Variants in RORA observed in about 807,000 individuals in gnomAD.
The protein encoded by RORA is nuclear receptor ROR-alpha.
A neutral mutation model predicts 69.5 loss-of-function variants in RORA; 7 were observed. The observed-to-expected ratio is 0.10, with a 90% CI of 0.06 to 0.19. The LOEUF is 0.19. RORA is among the 10% of genes least tolerant of loss of function. The probability of loss-of-function intolerance (pLI) is 1.00; values close to 1 mark genes in which losing one functional copy is unlikely to be tolerated. For synonymous variants in RORA, 261 were observed against 240.8 expected, an observed-to-expected ratio of 1.08 and a Z score of -0.78; for missense variants, 457 against 663.0, an observed-to-expected ratio of 0.69 and a Z score of 3.41.
At chr15:60,952,540 C>G (rs1460748909) in intron 1 of RORA, among the ~76,000 whole-genome samples, 4 of 151,664 alleles carry the variant, frequency 2.6e-5, no homozygotes, top group African/African-American at 9.7e-5. Context: ...ATCTAGAAAA[C>G]CCCATTGTCT....
intron 1 of RORA, among the ~76,000 whole-genome samples, chr15:60,835,223 G>T (rs1232583890): frequency 6.6e-6 from 1 of 152,186 alleles, no homozygotes; most frequent in African/African-American, 2.4e-5. Context: ...AAATTGCTCT[G>T]ATCAAATCAA....
At chr15:60,921,050 G>A (rs954427970) in intron 1 of RORA, among the ~76,000 whole-genome samples, 14 of 152,152 alleles carry the variant, frequency 9.2e-5, no homozygotes, top group Admixed American at 9.2e-4. Flanking sequence ...TTATTCTCCA[G>A]TCTTATAGAA....
chr15:60,947,400 C>T (rs953698845), intron 1 of RORA, among the ~76,000 whole-genome samples: 1 of 151,832 alleles, frequency 6.6e-6, no homozygotes, highest in Non-Finnish European at 1.5e-5. Flanking sequence ...ACCCCCAACC[C>T]GGTGCTCTCT....
At chr15:60,593,085 T>C (rs1262467637) in intron 2 of RORA, 8 of 359,906 alleles carry the variant, frequency 2.2e-5, no homozygotes, top group Non-Finnish European at 2.8e-5. Flanking sequence ...ACTGGGACCG[T>C]CCGGGGAGTG....
At chr15:61,048,429 C>G (rs1032721808) in intron 1 of RORA, among the ~76,000 whole-genome samples, 1 of 152,210 alleles carries the variant, frequency 6.6e-6, no homozygotes, top group African/African-American at 2.4e-5. Context: ...CACAGGCACA[C>G]TCCAGATGCA....
intron 1 of RORA, among the ~76,000 whole-genome samples, chr15:61,171,116 A>T (rs1415880497): frequency 6.6e-6 from 1 of 152,190 alleles, no homozygotes; most frequent in African/African-American, 2.4e-5. Flanking sequence ...ACTTGGCGAC[A>T]TGCTGGCTCA....
intron 1 of RORA, among the ~76,000 whole-genome samples, chr15:60,718,751 G>C (rs1445079958): frequency 6.6e-6 from 1 of 152,144 alleles, no homozygotes; most frequent in Admixed American, 6.5e-5. Flanking sequence ...AAGCAGATGA[G>C]GAAGTCATTA....
intron 1 of RORA, among the ~76,000 whole-genome samples, chr15:60,985,610 G>C (rs1216382911): frequency 1.1e-5 from 1 of 92,368 alleles, no homozygotes; most frequent in Admixed American, 1.3e-4. Flanking sequence ...TTTTGAGATG[G>C]GGTCTCACTC....
intron 1 of RORA, among the ~76,000 whole-genome samples, chr15:60,816,738 A>AAAAATAAAATAAAATAAAAT (rs562605420): frequency 1.4e-5 from 2 of 144,582 alleles, no homozygotes; most frequent in African/African-American, 5.2e-5. Flanking sequence ...GTATAATAAA[A>AAAAATAAAATAAAATAAAAT]AAAATAAAAT....
At chr15:60,900,029 T>C (rs1360999493) in intron 1 of RORA, among the ~76,000 whole-genome samples, 1 of 152,258 alleles carries the variant, frequency 6.6e-6, no homozygotes, top group Non-Finnish European at 1.5e-5. Context: ...CCTTTCCTCA[T>C]TAGTCTGAAT....
intron 1 of RORA, among the ~76,000 whole-genome samples, chr15:61,032,446 T>A (rs1041536240): frequency 6.6e-6 from 1 of 152,204 alleles, no homozygotes; most frequent in Non-Finnish European, 1.5e-5. Flanking sequence ...AAATTAAAAG[T>A]TGGTTTTCAA....
chr15:61,062,292 A>C (rs2078197634), intron 1 of RORA, among the ~76,000 whole-genome samples: 1 of 152,156 alleles, frequency 6.6e-6, no homozygotes, highest in Non-Finnish European at 1.5e-5. Flanking sequence ...TCTTTTTCTT[A>C]GTCCTTTCCC....
intron 1 of RORA, among the ~76,000 whole-genome samples, chr15:60,846,008 G>A (rs765813323): frequency 5.9e-5 from 9 of 152,202 alleles, no homozygotes; most frequent in Admixed American, 3.3e-4. Context: ...GGCTCCCAAA[G>A]TGCTGGGATT....
At chr15:61,013,766 AGAACTGG>A (rs1895172927) in intron 1 of RORA, among the ~76,000 whole-genome samples, 1 of 147,480 alleles carries the variant, frequency 6.8e-6, no homozygotes, top group Non-Finnish European at 1.5e-5. Flanking sequence ...ACTATAGCCA[AGAACTGG>A]GTTGGCTTTT....
intron 1 of RORA, chr15:61,183,086 T>C (rs1464432846): frequency 6.6e-6 from 1 of 152,260 alleles, no homozygotes; most frequent in Non-Finnish European, 1.5e-5. Flanking sequence ...CAATAAGGTC[T>C]GTAGGTGGTG....
chr15:60,954,365 C>T (rs1407130369), intron 1 of RORA, among the ~76,000 whole-genome samples: 6 of 148,348 alleles, frequency 4.0e-5, no homozygotes, highest in South Asian at 4.4e-4. Context: ...GTGGGTGCAG[C>T]GCACCAGCAT....
At chr15:60,587,568 T>C (rs1412963395) in intron 2 of RORA, among the ~76,000 whole-genome samples, 1 of 152,192 alleles carries the variant, frequency 6.6e-6, no homozygotes, top group Non-Finnish European at 1.5e-5. Flanking sequence ...GGACTATCAG[T>C]GACTCTCTAT....
chr15:60,543,217 A>G (rs2066956817), intron 2 of RORA, among the ~76,000 whole-genome samples: 2 of 117,004 alleles, frequency 1.7e-5, no homozygotes, highest in African/African-American at 3.3e-5. Flanking sequence ...TTTTTTAAGG[A>G]AAAAGGAGAG....
At chr15:60,954,682 G>C (rs537062202) in intron 1 of RORA, among the ~76,000 whole-genome samples, 1 of 152,198 alleles carries the variant, frequency 6.6e-6, no homozygotes, top group African/African-American at 2.4e-5. Context: ...GAAGTTTCAA[G>C]TGAAATGCCA....
Sources: gnomAD v4.1 joint callset for allele counts (sites outside exome capture counted in the v4.1 genomes callset) on GRCh38, gnomAD v4.1.1 for gene constraint, MANE v1.5 for transcripts, NCBI Gene and HGNC (gene_info 2026-07-23, HGNC 2026-07-21) for gene names.